ZNF280D: variants seen among roughly 807,000 people sequenced by gnomAD.
ZNF280D encodes suppressor of hairy wing homolog 4.
ZNF280D carries 39 observed loss-of-function variants against 94.7 expected under a neutral mutation model. The ratio of observed to expected loss-of-function variants is 0.41; its 90% CI spans 0.32 to 0.54. The LOEUF (loss-of-function observed/expected upper bound fraction) is 0.54. Among genes scored for constraint, ZNF280D ranks in the 20% least tolerant of loss-of-function variants. The pLI, the probability that ZNF280D is intolerant of heterozygous loss-of-function variation, is 0.22. For synonymous variants in ZNF280D, 398 were observed against 377.6 expected, an observed-to-expected ratio of 1.05 and a Z score of -0.63; for missense variants, 1,090 against 1,149.3, an observed-to-expected ratio of 0.95 and a Z score of 0.75.
intron 1 of ZNF280D, among the ~76,000 whole-genome samples, chr15:56,715,975 G>C (rs1475026601): frequency 2.0e-5 from 3 of 152,076 alleles, no homozygotes; most frequent in Non-Finnish European, 4.4e-5. Flanking sequence ...CTTTGTATTA[G>C]GTATCATAAG....
chr15:56,682,495 A>AC lies in ZNF280D; in HGVS notation c.781-19_781-18insG. On this transcript the variant is annotated intron_variant, in intron 9 of 21. Transcript: ENST00000267807. ...CAACAATACTGAAAGAGAAAAAAAA[A>AC]AAAAAAAAACAAGCCTTACTTATTC... 1.4e-6 allele frequency: 2 copies of AC among 1,456,910 alleles called. No homozygotes were observed. Among genetic ancestry groups the AC allele is most frequent in the Non-Finnish European group, 9.2e-7 (1 of 1,086,990 alleles). 90.2% of individuals were successfully genotyped at this position (1,456,910 alleles called of 1,614,324 possible).
chr15:56,631,669 T>C lies in ZNF280D; in HGVS notation c.2769A>G (p.Pro923=), dbSNP rs1463041917. The change falls in exon 22 of 22, where the codon CCA becomes CCG. Residue 923 remains proline, a synonymous_variant. Coordinates refer to ENST00000267807, the MANE Select transcript of ZNF280D (RefSeq NM_017661.4). ...QGSIHLEPLT[P]SEVLEYEATE... is the part of the protein sequence containing the mutation. ...TGGCTTCATACTCAAGTACCTCGGA[T>C]GGAGTCAGAGGTTCCAAATGAATAC... 1.2e-6 allele frequency: 2 copies of C among 1,614,056 alleles called. No homozygotes were observed. Among genetic ancestry groups the C allele is most frequent in the East Asian group, 4.5e-5 (2 of 44,892 alleles).
Position 56,632,107 on chromosome 15 carries a change from A to G in ZNF280D, c.2331T>C (p.Ala777=). 6.3e-7 allele frequency: 1 copy of G among 1,576,210 alleles called. No homozygotes were observed. Among genetic ancestry groups the G allele is most frequent in the Non-Finnish European group, 8.6e-7 (1 of 1,164,550 alleles). The part of the protein sequence containing the change: ...TSNSESKQDK[A]ASSKEKNGCN... ...ATCCATTTTTTTCTTTTGAAGAAGC[A>G]GCTTTATCTTGTTTACTGAAAAATA... Residue 777 remains alanine, a synonymous_variant, in exon 22 of 22, where the codon GCT becomes GCC. Coordinates refer to ENST00000267807, the MANE Select transcript of ZNF280D (RefSeq NM_017661.4).
At position 56,666,784 on chromosome 15, in the gene ZNF280D, C is replaced by G. The variant is rs1473298250; in HGVS notation, c.1748G>C (p.Ser583Thr). Reference protein sequence around the residue: ...SKPNTSKPNGSKSKYKPKISN... With the variant: ...SKPNTSKPNGTKSKYKPKISN... ...GATTTTTGGTTTGTATTTAGATTTA[C>G]TTCCATTAGGCTTACTTGTATTAGG... is the stretch of plus-strand genomic sequence containing the variant. Residue 583 changes from serine (S) to threonine (T), a missense_variant, in exon 15 of 22, where the codon AGT becomes ACT. Ser to Thr is a moderately conservative substitution (Grantham distance 58, BLOSUM62 1). This residue lies in a region of ZNF280D where 577 missense variants were observed against 568.8 expected (regional missense o/e 1.01). Transcript: ENST00000267807. 1.2e-6 allele frequency: 2 copies of G among 1,613,700 alleles called. No homozygotes were observed. Among genetic ancestry groups the G allele is most frequent in the African/African-American group, 1.3e-5 (1 of 74,998 alleles).
Position 56,682,385 on chromosome 15 carries a change from C to T in ZNF280D, c.873G>A (p.Glu291=), listed in dbSNP as rs1272035222. The T allele has an allele frequency of 1.9e-6, 3 of 1,590,058 alleles. No homozygotes were observed. In the East Asian group the frequency reaches 6.8e-5, roughly 36 times the overall value. Residue 291 remains glutamate, a synonymous_variant, in exon 10 of 22, where the codon GAG becomes GAA. Transcript: ENST00000267807. The part of the protein sequence containing the change: ...TVNKNTTIDS[E]KGKLIMLVND... ...TAACTAACATGATCAATTTTCCTTT[C>T]TCTGAATCAATAGTTGTGTTTTTAT...
chr15:56,653,552 C>G, intron 19 of ZNF280D: 4 of 1,514,714 alleles, frequency 2.6e-6, no homozygotes, highest in Non-Finnish European at 3.5e-6. Flanking sequence ...GGGACACTGT[C>G]CAGGTATACC....
rs1037105183 is a variant in ZNF280D at position 56,643,192 on chromosome 15, C to A, written c.2214-195G>T. 8.5e-6 allele frequency: 3 copies of A among 351,160 alleles called. No individual in the cohort carries two copies. In the East Asian group the frequency reaches 1.3e-4, roughly 15 times the overall value. The allele number at this position is 351,160 out of a possible 1,614,324, so 21.8% of individuals were successfully genotyped here. ...AACGTATGAGACTAAATAGTAGATT[C>A]GATAAATGTGCTAAATCAATAAAGA... On this transcript the variant is annotated intron_variant, in intron 19 of 21. Transcript: ENST00000267807.
chr15:56,652,677 G>C, intron 19 of ZNF280D: 3 of 985,286 alleles, frequency 3.0e-6, no homozygotes, highest in Non-Finnish European at 3.6e-6. Flanking sequence ...TGGCTAAGTA[G>C]ACATTACATC....
chr15:56,691,003 T>A (rs544081996), intron 7 of ZNF280D, among the ~76,000 whole-genome samples: 1 of 152,288 alleles, frequency 6.6e-6, no homozygotes, highest in East Asian at 1.9e-4. Context: ...TCAGTTTGCT[T>A]TTTTATAAAA....
intron 16 of ZNF280D, among the ~76,000 whole-genome samples, chr15:56,660,770 A>G (rs2053885674): frequency 6.6e-6 from 1 of 152,208 alleles, no homozygotes; most frequent in South Asian, 2.1e-4. Flanking sequence ...TTTATTGTGT[A>G]TAAATTATAC....
chr15:56,653,750 G>T, intron 19 of ZNF280D: 2 of 1,290,474 alleles, frequency 1.5e-6, no homozygotes, highest in African/African-American at 3.1e-5. Context: ...TTATTCTGAA[G>T]GCAAGTACAG....
intron 15 of ZNF280D, 23 bp downstream of exon 15, chr15:56,666,656 G>A: frequency 1.9e-6 from 3 of 1,557,542 alleles, no homozygotes; most frequent in East Asian, 2.3e-5. Context: ...AAATTATATT[G>A]TATATCAGGA....
Position 56,666,818 on chromosome 15 carries a change from C to A in ZNF280D, c.1714G>T (p.Ala572Ser). ...TSKPNTVKSN[A>S]SKPNTSKPNG... The stretch of plus-strand genomic sequence containing the variant: ...GGCTTACTTGTATTAGGTTTACTTG[C>A]GTTGGATTTGACTGTATTAGGTTTA... The change falls in exon 15 of 22, where the codon GCA (alanine) becomes TCA (serine). Residue 572 changes from alanine (A) to serine (S), a missense_variant. By Grantham distance (99) the Ala-to-Ser change is moderately conservative (BLOSUM62 1). Coordinates refer to ENST00000267807, the MANE Select transcript of ZNF280D (RefSeq NM_017661.4). 1.2e-6 allele frequency: 2 copies of A among 1,613,610 alleles called. No individual in the cohort carries two copies. The highest frequency in any genetic ancestry group is 1.7e-6 in the Non-Finnish European group (2 of 1,179,822).
intron 6 of ZNF280D, among the ~76,000 whole-genome samples, chr15:56,696,406 T>G (rs2056750626): frequency 6.6e-6 from 1 of 152,204 alleles, no homozygotes; most frequent in African/African-American, 2.4e-5. Flanking sequence ...ATTCCTCATT[T>G]TATAAATAGG....
At chr15:56,725,941 C>T (rs1312668605) in intron 1 of ZNF280D, among the ~76,000 whole-genome samples, 2 of 151,806 alleles carry the variant, frequency 1.3e-5, no homozygotes, top group African/African-American at 4.8e-5. Context: ...TATATAAAAC[C>T]AGAAAAACAG....
At chr15:56,695,555 G>C (rs1407970158) in intron 6 of ZNF280D, among the ~76,000 whole-genome samples, 1 of 135,018 alleles carries the variant, frequency 7.4e-6, no homozygotes, top group African/African-American at 2.8e-5. Flanking sequence ...TTTTGAGACG[G>C]AGTCTCACTC....
intron 9 of ZNF280D, chr15:56,688,833 A>G: frequency 3.1e-6 from 1 of 327,040 alleles, no homozygotes; most frequent in Non-Finnish European, 5.5e-6. Flanking sequence ...ATAAGCATAC[A>G]TTATAATATA....
At chr15:56,708,712 T>C (rs564257810) in intron 1 of ZNF280D, among the ~76,000 whole-genome samples, 2 of 152,112 alleles carry the variant, frequency 1.3e-5, no homozygotes, top group Non-Finnish European at 2.9e-5. Context: ...CACATATCTA[T>C]AACCATCTGA....
At chr15:56,698,991 T>C (rs544281325) in intron 6 of ZNF280D, 4 of 152,310 alleles carry the variant, frequency 2.6e-5, no homozygotes, top group African/African-American at 9.6e-5. Context: ...ACCTAAGCCA[T>C]GACCTGATTC....
Sources: gnomAD v4.1 joint callset for allele counts (sites outside exome capture counted in the v4.1 genomes callset) on GRCh38, gnomAD v4.1.1 for gene constraint, gnomAD v4.1.1 regional missense constraint, MANE v1.5 for transcripts, NCBI Gene and HGNC (gene_info 2026-07-23, HGNC 2026-07-21) for gene names.